APPBP2: variants seen among roughly 807,000 people sequenced by gnomAD.
The protein encoded by APPBP2 is amyloid protein-binding protein 2.
In APPBP2, 15 loss-of-function variants were observed where a neutral mutation model predicts 76.0. That is an observed-to-expected ratio of 0.20 (90% confidence interval 0.13 to 0.30). The LOEUF is 0.30. Among genes scored for constraint, APPBP2 ranks in the 10% least tolerant of loss-of-function variants. APPBP2 has a pLI of 1.00. For synonymous variants in APPBP2, 222 were observed against 242.2 expected (o/e 0.92, Z 0.77); for missense variants, 401 against 687.2 (o/e 0.58, Z 4.66).
At chr17:60,522,291 A>C (rs1228311439) in intron 1 of APPBP2, among the ~76,000 whole-genome samples, 2 of 152,144 alleles carry the variant, frequency 1.3e-5, no homozygotes, top group Non-Finnish European at 2.9e-5. Flanking sequence ...CTCCTAATTC[A>C]TGACAATCAT....
chr17:60,486,446 A>C (rs1474102948), intron 3 of APPBP2, among the ~76,000 whole-genome samples: 1 of 151,548 alleles, frequency 6.6e-6, no homozygotes, highest in Admixed American at 6.6e-5. Context: ...CTTTACCATT[A>C]TGTGATGGCC....
At chr17:60,500,941 A>G (rs1292499687) in intron 1 of APPBP2, among the ~76,000 whole-genome samples, 2 of 152,224 alleles carry the variant, frequency 1.3e-5, no homozygotes, top group Non-Finnish European at 2.9e-5. Context: ...AGAGCATGTC[A>G]ATAGTAATAC....
rs1439927695 is a variant in APPBP2, at chr17:60,444,689, T to C, written c.*2892A>G. ...GTCAGCTTTGAGGATCCATAAAGAT[T>C]ATGCTCTAAAAATTCCAATTGACTC... On this transcript the variant is annotated 3_prime_UTR_variant, in exon 13 of 13. Coordinates refer to ENST00000083182, the MANE Select transcript of APPBP2 (RefSeq NM_006380.5). The C allele has an allele frequency of 6.6e-6, 1 of 152,346 alleles. No individual in the cohort carries two copies. Among genetic ancestry groups the C allele is most frequent in the Non-Finnish European group, 1.5e-5 (1 of 68,014 alleles). The allele number at this position is 152,346 out of a possible 1,614,324, so 9.4% of individuals were successfully genotyped here.
intron 1 of APPBP2, among the ~76,000 whole-genome samples, chr17:60,506,781 T>C (rs1489236343): frequency 1.3e-5 from 2 of 152,206 alleles, no homozygotes; most frequent in Non-Finnish European, 2.9e-5. Flanking sequence ...CTCGCGCCTG[T>C]AATGCCAGCA....
intron 4 of APPBP2, among the ~76,000 whole-genome samples, chr17:60,475,428 G>T (rs1399950386): frequency 6.6e-6 from 1 of 152,104 alleles, no homozygotes; most frequent in Non-Finnish European, 1.5e-5. Flanking sequence ...GGTTACAGAA[G>T]TTCCTCGATT....
intron 2 of APPBP2, 91 bp from the exon 3 acceptor site, chr17:60,494,708 C>T (rs1366768581): frequency 2.6e-6 from 3 of 1,136,344 alleles, no homozygotes; most frequent in African/African-American, 1.6e-5. Context: ...ATAATAGCAC[C>T]ATTATTTTCC....
chr17:60,500,511 A>T (rs754910607), intron 1 of APPBP2, 24 bp from the exon 2 acceptor site: 7 of 1,551,938 alleles, frequency 4.5e-6, no homozygotes, highest in Non-Finnish European at 4.4e-6. Flanking sequence ...CAAATGATTT[A>T]AAAATTTTGC....
intron 1 of APPBP2, among the ~76,000 whole-genome samples, chr17:60,510,091 T>A (rs1270822172): frequency 6.6e-6 from 1 of 151,340 alleles, no homozygotes; most frequent in African/African-American, 2.5e-5. Flanking sequence ...ATTCATTTAT[T>A]ATTATGCTCT....
At chr17:60,486,015 G>T (rs537373263) in intron 3 of APPBP2, among the ~76,000 whole-genome samples, 3 of 152,188 alleles carry the variant, frequency 2.0e-5, no homozygotes, top group Non-Finnish European at 2.9e-5. Context: ...GGTTTTGAGC[G>T]ACTTTCTTAA....
At chr17:60,500,289 A>G (rs755657737) in intron 2 of APPBP2, 110 bp downstream of exon 2, 76 of 743,824 alleles carry the variant, frequency 1.0e-4, no homozygotes, top group Non-Finnish European at 1.5e-4. Context: ...TTACAGGCGT[A>G]AGCCACAGCA....
At chr17:60,450,525 T>C (rs1349596135) in intron 12 of APPBP2, among the ~76,000 whole-genome samples, 1 of 151,678 alleles carries the variant, frequency 6.6e-6, no homozygotes, top group East Asian at 1.9e-4. Context: ...TCCCAGCACT[T>C]TGGGAGGCTG....
chr17:60,518,871 G>C (rs1438282495), intron 1 of APPBP2, among the ~76,000 whole-genome samples: 2 of 152,086 alleles, frequency 1.3e-5, no homozygotes, highest in Non-Finnish European at 2.9e-5. Context: ...TTCATTCTTA[G>C]AAATGCCTTC....
At chr17:60,465,461 GA>G (rs2090504020) in intron 5 of APPBP2, among the ~76,000 whole-genome samples, 1 of 152,180 alleles carries the variant, frequency 6.6e-6, no homozygotes, top group Non-Finnish European at 1.5e-5. Context: ...TTTATCACTA[GA>G]AGATTGAACT....
chr17:60,502,069 AT>A (rs2090827531), intron 1 of APPBP2, among the ~76,000 whole-genome samples: 1 of 152,104 alleles, frequency 6.6e-6, no homozygotes, highest in African/African-American at 2.4e-5. Flanking sequence ...TTATTTATTT[AT>A]TTTTTAATGG....
intron 1 of APPBP2, among the ~76,000 whole-genome samples, chr17:60,512,110 TTTC>T (rs1437909684): frequency 1.3e-5 from 2 of 151,112 alleles, no homozygotes; most frequent in African/African-American, 4.9e-5. Context: ...TTATTATTAT[TTTC>T]TTTTTTTGAG....
At chr17:60,517,166 G>A (rs2090969920) in intron 1 of APPBP2, among the ~76,000 whole-genome samples, 6 of 151,980 alleles carry the variant, frequency 3.9e-5, no homozygotes, top group Admixed American at 3.9e-4. Context: ...TAGTGGAGAT[G>A]GGGTTTCACC....
intron 6 of APPBP2, among the ~76,000 whole-genome samples, chr17:60,463,665 C>T (rs539053358): frequency 7.7e-4 from 117 of 152,232 alleles, no homozygotes; most frequent in African/African-American, 2.8e-3. Context: ...CCAAAGTTCA[C>T]AGGATTTTGG....
intron 4 of APPBP2, among the ~76,000 whole-genome samples, chr17:60,476,195 C>T (rs997054439): frequency 7.9e-5 from 12 of 152,146 alleles, no homozygotes; most frequent in Admixed American, 1.3e-4. Context: ...AAAATGGTAC[C>T]AGTTTTAACT....
rs73324599 is a variant in APPBP2 at position 60,449,129 on chromosome 17, T to C, written c.1505-1295A>G. On this transcript the variant is annotated intron_variant, in intron 12 of 12. Coordinates refer to ENST00000083182, the MANE Select transcript of APPBP2 (RefSeq NM_006380.5). ...GAGAAAAAGGAAAACTGTAAACGAA[T>C]ATTGAACTCTAAGTAGTAGGTCTGT... 6.1e-3 allele frequency among the ~76,000 whole-genome samples: 924 copies of C among 152,236 alleles called. 15 individuals carry two copies. The highest frequency in any genetic ancestry group is 0.02 in the African/African-American group (841 of 41,546).
Sources: allele counts gnomAD v4.1 joint callset (sites outside exome capture counted in the v4.1 genomes callset), GRCh38; gene constraint gnomAD v4.1.1; transcripts MANE v1.5; gene names NCBI Gene and HGNC (gene_info 2026-07-23, HGNC 2026-07-21).